EPHA1: variants seen among roughly 807,000 people sequenced by gnomAD.
The protein encoded by EPHA1 is ephrin type-A receptor 1.
Under a neutral mutation model 110.1 loss-of-function variants are expected in EPHA1, and 92 were observed. The observed-to-expected ratio is 0.84, with a 90% CI of 0.71 to 0.99. The LOEUF is 0.99. Ranked by LOEUF, EPHA1 falls within the 50% of genes least tolerant of loss-of-function variation. The pLI, the probability that EPHA1 is intolerant of heterozygous loss-of-function variation, is 0.00. For missense variants in EPHA1, 1,204 were observed against 1,285.4 expected (o/e 0.94, Z 0.97); for synonymous variants, 500 against 516.1 (o/e 0.97, Z 0.42).
At position 143,391,668 on chromosome 7, in the gene EPHA1, T is replaced by G; in HGVS notation, c.2804A>C (p.His935Pro). Residue 935 changes from histidine to proline, a missense_variant, in exon 17 of 18, where the codon CAC becomes CCC. Transcript: ENST00000275815. ...CTCCATGGTGTCCAGCCCAGCCGAG[T>G]GGAAGTGCAGGATGTAGCGTTTCAT... ...IRMKRYILHF[H>P]SAGLDTMECV... 1.2e-6 allele frequency: 2 copies of G among 1,613,856 alleles called. No homozygotes were observed. The highest frequency in any genetic ancestry group is 1.7e-6 in the Non-Finnish European group (2 of 1,179,984).
In EPHA1 at chr7:143,391,727, A is replaced by G. The variant is rs757752035; in HGVS notation, c.2745T>C (p.Tyr915=). 4 of 1,613,966 alleles carry G rather than the reference A, an allele frequency of 2.5e-6. No individual in the cohort carries two copies. In the East Asian group the frequency reaches 6.7e-5, roughly 27 times the overall value. ...PSLSGSDGIP[Y]RTVSEWLESI... is the part of the protein sequence containing the mutation. The stretch of plus-strand genomic sequence containing the variant: ...ACTCGAGCCACTCAGAGACGGTTCG[A>G]TATGGGATCCCATCTGAGCCACTCA... The change falls in exon 17 of 18, where the codon TAT becomes TAC. Residue 915 remains tyrosine (Y), a synonymous_variant. Coordinates refer to ENST00000275815, the MANE Select transcript of EPHA1 (RefSeq NM_005232.5).
chr7:143,397,915 C>A lies in EPHA1; in HGVS notation c.1615+5G>T. 1 of 1,613,622 alleles carries A rather than the reference C, an allele frequency of 6.2e-7. No homozygotes were observed. The highest frequency in any genetic ancestry group is 1.1e-5 in the South Asian group (1 of 91,042). Reference sequence around the variant, plus strand: ...TGTGTTGGGGCAGAGCACAAGATACCCCACCTGGTGGGCTGGTCCGAAACT... The same window carrying A: ...TGTGTTGGGGCAGAGCACAAGATACACCACCTGGTGGGCTGGTCCGAAACT... On this transcript the variant is annotated splice_donor_5th_base_variant and intron_variant, in intron 8 of 17. Transcript: ENST00000275815.
Position 143,397,628 on chromosome 7 carries a change from C to G in EPHA1, c.1645G>C (p.Val549Leu). The G allele has an allele frequency of 6.2e-7, 1 of 1,614,178 alleles. No homozygotes were observed. The highest frequency in any genetic ancestry group is 1.1e-5 in the South Asian group (1 of 91,086). The change falls in exon 9 of 18, where the codon GTA (valine) becomes CTA (leucine). Residue 549 changes from valine to leucine, a missense_variant. Physicochemically the swap from Val to Leu is conservative, Grantham distance 32. Transcript: ENST00000275815. ...VSRGLTGGEIVAVIFGLLLGA... is the reference protein window; with the variant it reads ...VSRGLTGGEILAVIFGLLLGA... Reference sequence around the variant, plus strand: ...AGCAGCAGCCCAAAGATGACGGCTACAATCTCTCCTCCAGTCAGGCCCCTG... The same window carrying G: ...AGCAGCAGCCCAAAGATGACGGCTAGAATCTCTCCTCCAGTCAGGCCCCTG...
At position 143,395,547 on chromosome 7, in the gene EPHA1, G is replaced by A. The variant is rs757044000; in HGVS notation, c.1898-43C>T. 1 of 1,600,422 alleles carries A rather than the reference G, an allele frequency of 6.2e-7. No homozygotes were observed. The highest frequency in any genetic ancestry group is 8.5e-7 in the Non-Finnish European group (1 of 1,171,552). The stretch of plus-strand genomic sequence containing the variant: ...AGGCTGTGGCCCGATGCACTGCAGG[G>A]CTCCTCCAGGGGACAGGCAGCAACC... On this transcript the variant is annotated intron_variant, in intron 11 of 17. Transcript: ENST00000275815. The surrounding 1 kb of genome is among the most constrained non-coding windows in gnomAD (Gnocchi z 4.7).
intron 2 of EPHA1, among the ~76,000 whole-genome samples, chr7:143,402,094 CTT>C (rs35949877): frequency 6.3e-5 from 9 of 143,196 alleles, no homozygotes; most frequent in East Asian, 2.0e-4. Flanking sequence ...TTTTTTCTTT[CTT>C]TTTTTTTTTT....
chr7:143,404,980 C>CAAAAAA (rs11331186), intron 2 of EPHA1, among the ~76,000 whole-genome samples: 1 of 147,034 alleles, frequency 6.8e-6, no homozygotes, highest in Non-Finnish European at 1.5e-5. Flanking sequence ...TGGGAAAAGG[C>CAAAAAA]AAAAAAAAAA....
chr7:143,394,173 G>A (rs759960669), intron 15 of EPHA1, 21 bp downstream of exon 15: 29 of 1,599,886 alleles, frequency 1.8e-5, no homozygotes, highest in African/African-American at 2.7e-5. Flanking sequence ...GACAAGATGA[G>A]GAAGAATATT....
chr7:143,394,418 GTATTTTTATTT>G, intron 14 of EPHA1, 75 bp from the exon 15 acceptor site: 1 of 1,483,176 alleles, frequency 6.7e-7, no homozygotes, highest in Non-Finnish European at 9.0e-7. Context: ...TTCTTTTATT[GTATTTTTATTT>G]TATTTTTTTT....
chr7:143,396,235 A>T, intron 11 of EPHA1, 150 bp downstream of exon 11: 1 of 1,114,698 alleles, frequency 9.0e-7, no homozygotes, highest in Non-Finnish European at 1.2e-6. Flanking sequence ...AAGAGGATAC[A>T]GAGCAGAGCA....
intron 2 of EPHA1, among the ~76,000 whole-genome samples, chr7:143,405,090 G>A (rs1045723851): frequency 2.0e-5 from 3 of 152,090 alleles, no homozygotes; most frequent in Non-Finnish European, 4.4e-5. Flanking sequence ...ATTGGGCAAG[G>A]GGTGTCTAAA....
chr7:143,403,405 T>C (rs1046056039), intron 2 of EPHA1, among the ~76,000 whole-genome samples: 5 of 142,798 alleles, frequency 3.5e-5, no homozygotes, highest in Admixed American at 2.2e-4. Context: ...CAAAAGTGTA[T>C]ATAGAGCTTT....
intron 7 of EPHA1, 104 bp downstream of exon 7, chr7:143,398,217 C>T: frequency 1.9e-6 from 3 of 1,583,234 alleles, no homozygotes; most frequent in Non-Finnish European, 2.6e-6. Flanking sequence ...GAAAGCCACA[C>T]AGTGGACTTC....
chr7:143,403,899 G>A (rs747806240), intron 2 of EPHA1, among the ~76,000 whole-genome samples: 3 of 152,090 alleles, frequency 2.0e-5, no homozygotes, highest in Non-Finnish European at 4.4e-5. Flanking sequence ...TTACTCAGTT[G>A]GATGAGTTTC....
At chr7:143,400,210 A>G (rs899012071) in intron 3 of EPHA1, among the ~76,000 whole-genome samples, 157 bp from the exon 4 acceptor site, 4 of 152,214 alleles carry the variant, frequency 2.6e-5, no homozygotes, top group African/African-American at 9.6e-5. Flanking sequence ...GCATTATGCT[A>G]TTTAGCTCAT....
Position 143,396,528 on chromosome 7 carries a change from G to C in EPHA1, c.1772-18C>G. ...CTTGTCCTCTATGGGCAGAACATGA[G>C]GTTGGGGAGTACCAACATCAGGGCT... On this transcript the variant is annotated intron_variant, in intron 10 of 17. Coordinates refer to ENST00000275815, the MANE Select transcript of EPHA1 (RefSeq NM_005232.5). 2 of 1,612,880 alleles carry C rather than the reference G, an allele frequency of 1.2e-6. No homozygotes were observed. The highest frequency in any genetic ancestry group is 1.7e-6 in the Non-Finnish European group (2 of 1,179,204).
rs1312956697 is a variant in EPHA1 at position 143,391,198 on chromosome 7, T to C, written c.*259A>G. 2 of 448,582 alleles carry C rather than the reference T, an allele frequency of 4.5e-6. No individual in the cohort carries two copies. The highest frequency in any genetic ancestry group is 2.0e-5 in the African/African-American group (1 of 51,224). The allele number at this position is 448,582 out of a possible 1,614,324, so 27.8% of individuals were successfully genotyped here. On this transcript the variant is annotated 3_prime_UTR_variant, in exon 18 of 18. Coordinates refer to ENST00000275815, the MANE Select transcript of EPHA1 (RefSeq NM_005232.5). Reference sequence around the variant, plus strand: ...ATCAGTTCCTGTTTATTTACAAAAATATATATATGTGTATGTATGTATATA... The same window carrying C: ...ATCAGTTCCTGTTTATTTACAAAAACATATATATGTGTATGTATGTATATA...
At chr7:143,392,478 G>A (rs547405999) in intron 16 of EPHA1, among the ~76,000 whole-genome samples, 2 of 152,304 alleles carry the variant, frequency 1.3e-5, no homozygotes, top group East Asian at 3.9e-4. Context: ...GGATACAGAG[G>A]CCAGTTGGCC....
Position 143,397,431 on chromosome 7 carries a change from G to A in EPHA1, c.1713-69C>T, listed in dbSNP as rs62472725. On this transcript the variant is annotated intron_variant, in intron 9 of 17. Transcript: ENST00000275815. ...CTCAGGGGTCCGAGGGACTCTGGCT[G>A]AATCTTCCCCAGAAACGGGCTGGGA... The A allele has an allele frequency of 1.8e-4, 283 of 1,566,238 alleles. 1 individual carries two copies. The highest frequency in any genetic ancestry group is 2.3e-4 in the Non-Finnish European group (265 of 1,153,348).
At chr7:143,404,464 G>A (rs879867000) in intron 2 of EPHA1, among the ~76,000 whole-genome samples, 6 of 152,032 alleles carry the variant, frequency 3.9e-5, no homozygotes, top group Admixed American at 6.6e-5. Context: ...GGATCCGCCC[G>A]CCTCGGCCTC....
Sources: allele counts gnomAD v4.1 joint callset (sites outside exome capture counted in the v4.1 genomes callset), GRCh38; gene constraint gnomAD v4.1.1; non-coding constraint Gnocchi (gnomAD v3.1); transcripts MANE v1.5; gene names NCBI Gene and HGNC (gene_info 2026-07-23, HGNC 2026-07-21).